The following DACH2 variants were observed in gnomAD, a reference collection of about 807,000 sequenced individuals.
The protein encoded by DACH2 is dachshund family transcription factor 2.
DACH2 carries 17 observed loss-of-function variants against 35.8 expected under a neutral mutation model. The observed-to-expected ratio is 0.48, with a 90% CI of 0.33 to 0.71. The LOEUF is 0.71. DACH2 is among the 30% of genes least tolerant of loss of function. DACH2 has a pLI of 0.02. For missense variants in DACH2, 469 were observed against 472.7 expected, an observed-to-expected ratio of 0.99 and a Z score of 0.07; for synonymous variants, 195 against 177.3, an observed-to-expected ratio of 1.10 and a Z score of -0.79.
intron 3 of DACH2, among the ~76,000 whole-genome samples, chrX:86,642,130 G>A (rs1258812060): frequency 9.0e-6 from 1 of 111,214 alleles, no homozygotes; most frequent in Non-Finnish European, 1.9e-5. Flanking sequence ...AATGTAAATG[G>A]GCTAAATGCC....
Position 86,714,715 on chromosome X carries a change from A to G in DACH2, c.1099A>G (p.Ile367Val). 8.6e-7 allele frequency: 1 copy of G among 1,167,446 alleles called. No homozygotes were observed. The highest frequency in any genetic ancestry group is 1.2e-6 in the Non-Finnish European group (1 of 867,180). Residue 367 changes from isoleucine to valine, a missense_variant, in exon 6 of 12, where the codon ATA becomes GTA. By Grantham distance (29) the Ile-to-Val change is conservative. Around this residue, in one of 3 missense-constraint regions of DACH2, gnomAD observed 363 missense variants for 334.4 expected, o/e 1.09. Transcript: ENST00000373125. ...ACTCTCCAGAGCTGGTACCTCTGTT[A>G]TAAAGGTAAGAATCGTGATTTAGAA... is the stretch of plus-strand genomic sequence containing the variant. The part of the protein sequence containing the change: ...SPLSRAGTSV[I>V]KERIPESPSP...
At chrX:86,493,959 A>G (rs964256846) in intron 2 of DACH2, among the ~76,000 whole-genome samples, 14 of 111,677 alleles carry the variant, frequency 1.3e-4, no homozygotes, top group African/African-American at 4.2e-4. Context: ...TGATCTGTCC[A>G]GAGCTAGGCT....
At chrX:86,480,786 A>T (rs184187357) in intron 2 of DACH2, among the ~76,000 whole-genome samples, 730 of 112,302 alleles carry the variant, frequency 6.5e-3, no homozygotes, top group African/African-American at 0.022. Flanking sequence ...CTATGTTTGT[A>T]TTCCAGCTAA....
intron 1 of DACH2, among the ~76,000 whole-genome samples, chrX:86,289,919 T>C (rs1252322831): frequency 9.2e-6 from 1 of 108,157 alleles, no homozygotes; most frequent in African/African-American, 3.4e-5. Context: ...TGATTTATGG[T>C]CCTTTGGGTA....
At chrX:86,653,413 C>A (rs1053603617) in intron 4 of DACH2, among the ~76,000 whole-genome samples, 3 of 111,204 alleles carry the variant, frequency 2.7e-5, no homozygotes, top group African/African-American at 6.6e-5. Flanking sequence ...TGCGGGGGAG[C>A]AGGGTGACTC....
At chrX:86,691,368 A>G (rs1237846620) in intron 4 of DACH2, among the ~76,000 whole-genome samples, 3 of 111,487 alleles carry the variant, frequency 2.7e-5, no homozygotes, top group Non-Finnish European at 5.7e-5. Context: ...ATTGCTTGTA[A>G]CTCAAAGGAT....
At chrX:86,381,919 A>G (rs2036052101) in intron 2 of DACH2, among the ~76,000 whole-genome samples, 1 of 108,935 alleles carries the variant, frequency 9.2e-6, no homozygotes, top group Non-Finnish European at 1.9e-5. Context: ...TCACATTCTA[A>G]ATGCTGAAAT....
intron 7 of DACH2, among the ~76,000 whole-genome samples, chrX:86,773,117 A>G (rs2147297516): frequency 8.9e-6 from 1 of 111,844 alleles, no homozygotes; most frequent in Non-Finnish European, 1.9e-5. Context: ...AACCTGATTA[A>G]ATTGTGGTCA....
intron 2 of DACH2, among the ~76,000 whole-genome samples, chrX:86,452,013 T>C (rs1417231894): frequency 1.8e-5 from 2 of 111,839 alleles, no homozygotes; most frequent in Non-Finnish European, 3.8e-5. Flanking sequence ...CATTATATAG[T>C]TTATTTAGAG....
intron 10 of DACH2, among the ~76,000 whole-genome samples, chrX:86,815,182 G>C (rs1218903949): frequency 9.0e-6 from 1 of 111,592 alleles, no homozygotes; most frequent in Non-Finnish European, 1.9e-5. Context: ...GATGTTTGGT[G>C]AACTGTATTG....
At chrX:86,482,951 G>A (rs2037961541) in intron 2 of DACH2, among the ~76,000 whole-genome samples, 1 of 91,399 alleles carries the variant, frequency 1.1e-5, no homozygotes, top group South Asian at 7.8e-4. Context: ...GAGATCACAT[G>A]GACACAGGAA....
intron 2 of DACH2, among the ~76,000 whole-genome samples, chrX:86,463,950 C>T (rs1427790911): frequency 9.0e-6 from 1 of 111,617 alleles, no homozygotes; most frequent in Non-Finnish European, 1.9e-5. Flanking sequence ...TAGAAAAATG[C>T]AAATCAAAAC....
intron 2 of DACH2, among the ~76,000 whole-genome samples, chrX:86,485,902 A>G (rs1209331404): frequency 8.9e-6 from 1 of 111,750 alleles, no homozygotes; most frequent in Non-Finnish European, 1.9e-5. Flanking sequence ...TAATTGCACA[A>G]ACTTTGGAAT....
chrX:86,472,335 G>A (rs192695471), intron 2 of DACH2, among the ~76,000 whole-genome samples: 4 of 111,608 alleles, frequency 3.6e-5, no homozygotes, highest in African/African-American at 9.8e-5. Context: ...TGTGAAGCAA[G>A]GAATACAGGC....
At chrX:86,263,214 C>A (rs1215012266) in intron 1 of DACH2, among the ~76,000 whole-genome samples, 1 of 111,484 alleles carries the variant, frequency 9.0e-6, no homozygotes, top group African/African-American at 3.3e-5. Context: ...ATATATGGGG[C>A]AATTTAGGAA....
At chrX:86,292,637 A>G (rs1411768341) in intron 1 of DACH2, among the ~76,000 whole-genome samples, 16 of 110,096 alleles carry the variant, frequency 1.5e-4, no homozygotes, top group Non-Finnish European at 2.1e-4. Flanking sequence ...CTTTGTTCTC[A>G]TTGGTTTCAA....
At chrX:86,379,730 C>A (rs2148107207) in intron 2 of DACH2, among the ~76,000 whole-genome samples, 1 of 110,990 alleles carries the variant, frequency 9.0e-6, no homozygotes, top group Admixed American at 9.6e-5. Context: ...CTTGACAAAT[C>A]ATTCTAGTTG....
intron 3 of DACH2, among the ~76,000 whole-genome samples, chrX:86,579,737 A>C (rs1442307189): frequency 8.9e-6 from 1 of 112,291 alleles, no homozygotes; most frequent in Non-Finnish European, 1.9e-5. Flanking sequence ...TATATTTTGC[A>C]TAAAGTGTAA....
intron 7 of DACH2, among the ~76,000 whole-genome samples, chrX:86,781,122 A>G (rs752696764): frequency 4.5e-5 from 5 of 111,451 alleles, no homozygotes; most frequent in Admixed American, 9.6e-5. Flanking sequence ...TTATCAGTAG[A>G]CACCTGGCAA....
Sources: gnomAD v4.1 joint callset for allele counts (sites outside exome capture counted in the v4.1 genomes callset) on GRCh38, gnomAD v4.1.1 for gene constraint, gnomAD v4.1.1 regional missense constraint, MANE v1.5 for transcripts, NCBI Gene and HGNC (gene_info 2026-07-23, HGNC 2026-07-21) for gene names.